The following WDR27 variants were observed in gnomAD, a reference collection of about 807,000 sequenced individuals.
The protein encoded by WDR27 is WD repeat-containing protein 27.
In WDR27, 100 loss-of-function variants were observed where a neutral mutation model predicts 114.4. The observed-to-expected ratio is 0.87, with a 90% CI of 0.74 to 1.03. The LOEUF (loss-of-function observed/expected upper bound fraction) is 1.03, where lower values mean the gene tolerates loss of function less well. Ranked by LOEUF, WDR27 falls within the 50% of genes least tolerant of loss-of-function variation. The pLI is 0.00. For missense variants in WDR27, 1,129 were observed against 1,092.9 expected (o/e 1.03, Z -0.47); for synonymous variants, 449 against 423.1 (o/e 1.06, Z -0.75).
intron 25 of WDR27, among the ~76,000 whole-genome samples, chr6:169,527,850 ATTG>A (rs1437412270): frequency 2.0e-5 from 3 of 152,212 alleles, no homozygotes; most frequent in African/African-American, 7.2e-5. Context: ...TTAAAAGGAC[ATTG>A]AGAAATATTT....
At chr6:169,428,724 C>T in the WDR27 span, among the ~76,000 whole-genome samples, 2 of 152,172 alleles carry the variant, frequency 1.3e-5, no homozygotes. Flanking sequence ...GGGGAGGGCC[C>T]GCCCTCCTAT....
chr6:169,438,869 T>C, the WDR27 span, among the ~76,000 whole-genome samples: 2 of 152,226 alleles, frequency 1.3e-5, no homozygotes, highest in African/African-American at 2.4e-5. Context: ...AGGTCATCTC[T>C]AGTACAGGTC....
chr6:169,668,070 T>G lies in WDR27; in HGVS notation c.572A>C (p.Gln191Pro). 1 of 1,613,938 alleles carries G rather than the reference T, an allele frequency of 6.2e-7. No homozygotes were observed. Among genetic ancestry groups the G allele is most frequent in the South Asian group, 1.1e-5 (1 of 91,082 alleles). ...SQTQAVRAEL[Q>P]GHLGPVTAVE... is the part of the protein sequence containing the mutation. ...CGCAGTCACCGGGCCCAGGTGGCCC[T>G]GCAGCTCGGCCCGAACAGCCTGAGT... is the stretch of plus-strand genomic sequence containing the variant. The change falls in exon 5 of 26, where the codon CAG becomes CCG. Residue 191 changes from glutamine (Q) to proline (P), a missense_variant. Gln to Pro is a moderately conservative substitution (Grantham distance 76, BLOSUM62 -1). Transcript: ENST00000448612.
intron 21 of WDR27, among the ~76,000 whole-genome samples, chr6:169,614,342 C>T (rs1292965615): frequency 6.6e-6 from 1 of 152,164 alleles, no homozygotes; most frequent in East Asian, 1.9e-4. Flanking sequence ...AGTCATCCTT[C>T]ATTTGCAAAC....
chr6:169,437,413 A>G, the WDR27 span, among the ~76,000 whole-genome samples: 2 of 152,116 alleles, frequency 1.3e-5, no homozygotes, highest in Admixed American at 6.5e-5. Flanking sequence ...TAATTCTGAA[A>G]TCTGTTTTTT....
At chr6:169,626,305 G>A (rs1035142751) in intron 21 of WDR27, among the ~76,000 whole-genome samples, 1 of 152,204 alleles carries the variant, frequency 6.6e-6, no homozygotes, top group African/African-American at 2.4e-5. Flanking sequence ...ACCCACAGAG[G>A]GTGACAGAGG....
chr6:169,484,851 C>T (rs1395367123), intron 25 of WDR27, among the ~76,000 whole-genome samples: 1 of 151,968 alleles, frequency 6.6e-6, no homozygotes, highest in Non-Finnish European at 1.5e-5. Flanking sequence ...AATGGAGAGG[C>T]CAGAAATAAG....
intron 17 of WDR27, among the ~76,000 whole-genome samples, chr6:169,640,165 C>A (rs542081621): frequency 6.6e-6 from 1 of 152,292 alleles, no homozygotes; most frequent in East Asian, 1.9e-4. Flanking sequence ...GAATGGGTAA[C>A]CACAACTCCC....
At chr6:169,553,026 G>A (rs1400676690) in intron 25 of WDR27, among the ~76,000 whole-genome samples, 2 of 102,044 alleles carry the variant, frequency 2.0e-5, no homozygotes, top group East Asian at 5.6e-4. Context: ...GTGTGTGTGT[G>A]TATGCAGGGA....
intron 25 of WDR27, among the ~76,000 whole-genome samples, chr6:169,499,792 A>T (rs1007917278): frequency 3.9e-5 from 6 of 152,156 alleles, no homozygotes; most frequent in African/African-American, 1.4e-4. Flanking sequence ...TAGATTAGAG[A>T]GATGGGCCCG....
At chr6:169,586,245 A>G (rs1037592857) in intron 23 of WDR27, among the ~76,000 whole-genome samples, 1 of 152,134 alleles carries the variant, frequency 6.6e-6, no homozygotes, top group African/African-American at 2.4e-5. Context: ...CCCTGTCATA[A>G]ATCCCGTGAG....
intron 2 of WDR27, among the ~76,000 whole-genome samples, chr6:169,687,755 T>C (rs1301021826): frequency 6.6e-6 from 1 of 152,186 alleles, no homozygotes; most frequent in Non-Finnish European, 1.5e-5. Context: ...GTTGGCTGTG[T>C]GGACTCCACA....
intron 25 of WDR27, among the ~76,000 whole-genome samples, chr6:169,488,916 G>A (rs1583731057): frequency 6.6e-6 from 1 of 151,424 alleles, no homozygotes; most frequent in East Asian, 1.9e-4. Context: ...TCCAGTGTGG[G>A]TGGGCGTCAA....
chr6:169,482,261 A>G (rs191192002), intron 25 of WDR27, among the ~76,000 whole-genome samples: 169 of 152,326 alleles, frequency 1.1e-3, no homozygotes, highest in African/African-American at 3.6e-3. Context: ...ATGAACATAC[A>G]TGTGCATGAG....
At chr6:169,633,419 C>T (rs1198660299) in intron 20 of WDR27, among the ~76,000 whole-genome samples, 1 of 152,192 alleles carries the variant, frequency 6.6e-6, no homozygotes, top group Non-Finnish European at 1.5e-5. Flanking sequence ...TATGTAGATA[C>T]TGCACTCAGC....
At chr6:169,497,043 C>T (rs1397349007) in intron 25 of WDR27, among the ~76,000 whole-genome samples, 1 of 152,030 alleles carries the variant, frequency 6.6e-6, no homozygotes, top group Non-Finnish European at 1.5e-5. Context: ...CACATTAATA[C>T]AGAGCTACAG....
chr6:169,471,980 A>G (rs999317686), intron 25 of WDR27, among the ~76,000 whole-genome samples: 1 of 152,148 alleles, frequency 6.6e-6, no homozygotes, highest in African/African-American at 2.4e-5. Flanking sequence ...ATTCCCACTC[A>G]TGAGGGTGGA....
chr6:169,666,968 AAGTGAATCC>A, intron 6 of WDR27, 159 bp downstream of exon 6: 3 of 985,288 alleles, frequency 3.0e-6, no homozygotes, highest in Non-Finnish European at 3.6e-6. Context: ...ATTCACTGTT[AAGTGAATCC>A]TCTCCCTGTG....
chr6:169,672,244 T>G lies in WDR27; in HGVS notation c.331+11A>C. ...CAGGTTTTTAAAAACATGTTTTAGA[T>G]TTTCATTTACCTTGAAGTACTTTCT... is the stretch of plus-strand genomic sequence containing the variant. On this transcript the variant is annotated intron_variant, in intron 3 of 25. Transcript: ENST00000448612. 1 of 1,611,006 alleles carries G rather than the reference T, an allele frequency of 6.2e-7. No homozygotes were observed. Among genetic ancestry groups the G allele is most frequent in the Non-Finnish European group, 8.5e-7 (1 of 1,178,746 alleles).
Sources: gnomAD v4.1 joint callset for allele counts (sites outside exome capture counted in the v4.1 genomes callset) on GRCh38, gnomAD v4.1.1 for gene constraint, MANE v1.5 for transcripts, NCBI Gene and HGNC (gene_info 2026-07-23, HGNC 2026-07-21) for gene names.